YTHDF3: variants seen among roughly 807,000 people sequenced by gnomAD.
YTHDF3 encodes YTH domain-containing family protein 3.
In YTHDF3, 9 loss-of-function variants were observed where a neutral mutation model predicts 52.5. The observed-to-expected ratio is 0.17, with a 90% CI of 0.10 to 0.30. The LOEUF (loss-of-function observed/expected upper bound fraction) is 0.30, where lower values mean the gene tolerates loss of function less well. YTHDF3 is among the 10% of genes least tolerant of loss of function. The pLI is 1.00. For synonymous variants in YTHDF3, 274 were observed against 243.3 expected (o/e 1.13, Z -1.18); for missense variants, 534 against 715.0 (o/e 0.75, Z 2.89).
At chr8:63,169,312 A>C (rs1028096420) in intron 1 of YTHDF3, 75 bp from the exon 2 acceptor site, 3 of 1,523,590 alleles carry the variant, frequency 2.0e-6, no homozygotes, top group Non-Finnish European at 2.7e-6. Context: ...TGTCTTTGAT[A>C]ATGCCTTTGA....
chr8:63,189,783 A>G (rs536007849), intron 4 of YTHDF3, among the ~76,000 whole-genome samples: 2 of 152,368 alleles, frequency 1.3e-5, no homozygotes, highest in Admixed American at 6.5e-5. Context: ...AAGTATAAAC[A>G]TTCCAGGTGA....
chr8:63,184,295 CAGTA>C (rs931761418), intron 3 of YTHDF3, among the ~76,000 whole-genome samples: 2 of 152,158 alleles, frequency 1.3e-5, no homozygotes, highest in African/African-American at 4.8e-5. Context: ...TTCTTTTAAA[CAGTA>C]AGTGAGAGTT....
rs1808499288 is a variant in YTHDF3 at position 63,186,318 on chromosome 8, G to A, written c.307G>A (p.Asp103Asn). The A allele has an allele frequency of 1.2e-6, 2 of 1,614,006 alleles. No individual in the cohort carries two copies. The highest frequency in any genetic ancestry group is 1.7e-6 in the Non-Finnish European group (2 of 1,179,884). The change falls in exon 4 of 5, where the codon GAT (aspartate) becomes AAT (asparagine). Residue 103 changes from aspartate (D) to asparagine (N), a missense_variant. Physicochemically the swap from Asp to Asn is conservative, Grantham distance 23. Transcript: ENST00000539294. ...TAATGGAGAACATCACTATATACCA[G>A]ATGGTGTATTTAGTCAACCTGGGGC... is the stretch of plus-strand genomic sequence containing the variant. ...MSNGEHHYIPDGVFSQPGALG... is the reference protein window; with the variant it reads ...MSNGEHHYIPNGVFSQPGALG...
chr8:63,180,960 C>T (rs879336935), intron 3 of YTHDF3, among the ~76,000 whole-genome samples: 4 of 152,116 alleles, frequency 2.6e-5, no homozygotes, highest in South Asian at 2.1e-4. Flanking sequence ...AGAGGGAGAC[C>T]GTGGAAAGAG....
rs199632488 is a variant in YTHDF3 at position 63,186,098 on chromosome 8, CTCTTT to C, written c.136-47_136-43del. The stretch of plus-strand genomic sequence containing the variant: ...TTAATCTTTCAGATTTCTTTTTTTG[CTCTTT>C]TAAGAGGACATTTCGCTACTGATTG... On this transcript the variant is annotated intron_variant, in intron 3 of 4. Coordinates refer to ENST00000539294, the MANE Select transcript of YTHDF3 (RefSeq NM_152758.6). The C allele has an allele frequency of 5.4e-3, 8,043 of 1,491,332 alleles. 22 individuals are homozygous for C. Among genetic ancestry groups the C allele is most frequent in the Non-Finnish European group, 6.4e-3 (7,142 of 1,115,122 alleles). The allele number at this position is 1,491,332 out of a possible 1,614,324, so 92.4% of individuals were successfully genotyped here.
At chr8:63,179,181 A>G (rs961726501) in intron 3 of YTHDF3, among the ~76,000 whole-genome samples, 2 of 151,466 alleles carry the variant, frequency 1.3e-5, no homozygotes, top group African/African-American at 2.4e-5. Context: ...TGAAGGAATA[A>G]TGTTCATAGT....
At chr8:63,203,106 G>C (rs951405093) in intron 4 of YTHDF3, among the ~76,000 whole-genome samples, 1 of 152,034 alleles carries the variant, frequency 6.6e-6, no homozygotes, top group African/African-American at 2.4e-5. Flanking sequence ...GCTGAGCATG[G>C]TGGCAGACGC....
At chr8:63,194,450 A>G (rs1456502568) in intron 4 of YTHDF3, among the ~76,000 whole-genome samples, 1 of 152,166 alleles carries the variant, frequency 6.6e-6, no homozygotes, top group East Asian at 1.9e-4. Context: ...GTGCTATTGC[A>G]CTCCAGCTTG....
In YTHDF3 at chr8:63,186,718, C is replaced by T. The variant is rs760992097; in HGVS notation, c.707C>T (p.Thr236Ile). The T allele has an allele frequency of 6.2e-7, 1 of 1,613,998 alleles. No homozygotes were observed. The highest frequency in any genetic ancestry group is 1.7e-5 in the Admixed American group (1 of 60,026). The stretch of plus-strand genomic sequence containing the variant: ...GTTAGCAGTGCAGCACCTAAACCAA[C>T]CTCCTGGGCTGCCATTGCCAGAAAG... ...PPVSSAAPKP[T>I]SWAAIARKPA... Residue 236 changes from threonine (T) to isoleucine (I), a missense_variant, in exon 4 of 5, where the codon ACC becomes ATC. This residue lies in a region of YTHDF3 where 196 missense variants were observed against 299.5 expected (regional missense o/e 0.65). Transcript: ENST00000539294.
chr8:63,178,319 T>C (rs1049004900), intron 3 of YTHDF3, among the ~76,000 whole-genome samples: 3 of 152,174 alleles, frequency 2.0e-5, no homozygotes, highest in Non-Finnish European at 2.9e-5. Flanking sequence ...CAACTAGCAC[T>C]GTGGTTTGCG....
At chr8:63,192,185 T>G (rs899364199) in intron 4 of YTHDF3, among the ~76,000 whole-genome samples, 21 of 152,212 alleles carry the variant, frequency 1.4e-4, no homozygotes, top group African/African-American at 5.1e-4. Context: ...GCCACTCATC[T>G]GGACTCATAA....
Position 63,187,629 on chromosome 8 carries a change from C to T in YTHDF3, c.1618C>T (p.Leu540=), listed in dbSNP as rs776935532. The change falls in exon 4 of 5, where the codon CTA becomes TTA. Residue 540 remains leucine (L), a synonymous_variant. Coordinates refer to ENST00000539294, the MANE Select transcript of YTHDF3 (RefSeq NM_152758.6). ...TNSRDTQEVP[L]EKAKQVLKII... is the part of the protein sequence containing the mutation. ...TTCAAGGGACACTCAAGAGGTACCC[C>T]TAGAAAAAGCTAAGCAAGTGCTTAA... The T allele has an allele frequency of 9.9e-6, 16 of 1,611,304 alleles. No homozygotes were observed. Among genetic ancestry groups the T allele is most frequent in the Non-Finnish European group, 1.4e-5 (16 of 1,178,518 alleles).
chr8:63,182,234 AT>A (rs11348989), intron 3 of YTHDF3, among the ~76,000 whole-genome samples: 14,789 of 111,660 alleles, frequency 0.13, 999 homozygotes, highest in East Asian at 0.3. Flanking sequence ...TGCCTGGCTA[AT>A]TTTTTTTTTT....
chr8:63,174,275 T>C (rs1308630078), intron 2 of YTHDF3, among the ~76,000 whole-genome samples: 1 of 152,230 alleles, frequency 6.6e-6, no homozygotes, highest in Non-Finnish European at 1.5e-5. Context: ...TATAGAATAG[T>C]ATATTTACAT....
chr8:63,209,902 A>G lies in YTHDF3; in HGVS notation c.*196A>G, dbSNP rs866253450. ...TTATACTCTTCACCAAACACACTTG[A>G]GAACTGTAACTTCGTCAAGCACTTT... On this transcript the variant is annotated 3_prime_UTR_variant, in exon 5 of 5. Coordinates refer to ENST00000539294, the MANE Select transcript of YTHDF3 (RefSeq NM_152758.6). The G allele has an allele frequency of 7.9e-6, 4 of 507,832 alleles. No individual in the cohort carries two copies. Among genetic ancestry groups the G allele is most frequent in the Middle Eastern group, 9.5e-4 (2 of 2,100 alleles). 31.5% of individuals were successfully genotyped at this position (507,832 alleles called of 1,614,324 possible). A position where few individuals can be genotyped will look rare whatever the true frequency, so the allele number is the denominator to read the frequency against.
At chr8:63,173,871 A>G (rs146220282) in intron 2 of YTHDF3, among the ~76,000 whole-genome samples, 69 of 152,322 alleles carry the variant, frequency 4.5e-4, no homozygotes, top group African/African-American at 1.6e-3. Flanking sequence ...TAGTGGAGCC[A>G]GGATCAAGTT....
chr8:63,187,355 G>A lies in YTHDF3; in HGVS notation c.1344G>A (p.Leu448=). ...GTACTGAGCATGGTAATAAGCGTTT[G>A]GATGCAGCTTACCGTTCCCTGAATG... is the stretch of plus-strand genomic sequence containing the variant. ...WCSTEHGNKR[L]DAAYRSLNGK... Residue 448 remains leucine (L), a synonymous_variant, in exon 4 of 5, where the codon TTG becomes TTA. Coordinates refer to ENST00000539294, the MANE Select transcript of YTHDF3 (RefSeq NM_152758.6). 1 of 1,614,002 alleles carries A rather than the reference G, an allele frequency of 6.2e-7. No individual in the cohort carries two copies. The highest frequency in any genetic ancestry group is 1.6e-4 in the Middle Eastern group (1 of 6,062).
At chr8:63,203,716 T>C (rs1383188670) in intron 4 of YTHDF3, among the ~76,000 whole-genome samples, 3 of 152,234 alleles carry the variant, frequency 2.0e-5, no homozygotes, top group African/African-American at 7.2e-5. Context: ...TTAGTTGTCA[T>C]GTCTCCTTAC....
intron 3 of YTHDF3, among the ~76,000 whole-genome samples, chr8:63,179,504 A>G (rs1193305243): frequency 6.6e-6 from 1 of 152,224 alleles, no homozygotes; most frequent in Non-Finnish European, 1.5e-5. Flanking sequence ...GAGTGGATAC[A>G]GCACATGTTT....
Sources: gnomAD v4.1 joint callset for allele counts (sites outside exome capture counted in the v4.1 genomes callset) on GRCh38, gnomAD v4.1.1 for gene constraint, gnomAD v4.1.1 regional missense constraint, MANE v1.5 for transcripts, NCBI Gene and HGNC (gene_info 2026-07-23, HGNC 2026-07-21) for gene names.